Variants in BLNK observed in about 807,000 individuals in gnomAD.
The protein encoded by BLNK is B cell linker, also known as B-cell linker protein.
In BLNK, 29 loss-of-function variants were observed where a neutral mutation model predicts 73.5. The ratio of observed to expected loss-of-function variants is 0.39; its 90% CI spans 0.29 to 0.54. The LOEUF (loss-of-function observed/expected upper bound fraction) is 0.54, where lower values mean the gene tolerates loss of function less well. BLNK is among the 20% of genes least tolerant of loss of function. The pLI, the probability that BLNK is intolerant of heterozygous loss-of-function variation, is 0.61. For missense variants in BLNK, 460 were observed against 562.8 expected, an observed-to-expected ratio of 0.82 and a Z score of 1.85; for synonymous variants, 176 against 200.8, an observed-to-expected ratio of 0.88 and a Z score of 1.04.
intron 1 of BLNK, among the ~76,000 whole-genome samples, chr10:96,257,171 G>A (rs1843555250): frequency 6.6e-6 from 1 of 152,144 alleles, no homozygotes; most frequent in Non-Finnish European, 1.5e-5. Flanking sequence ...GGTGTTGAGA[G>A]GATGTTTACA....
intron 2 of BLNK, among the ~76,000 whole-genome samples, chr10:96,244,000 A>C (rs977687675): frequency 4.6e-5 from 7 of 152,212 alleles, no homozygotes; most frequent in African/African-American, 1.7e-4. Context: ...TTGAAAAAAA[A>C]AGCATAGAAA....
At chr10:96,222,965 T>C (rs1554901494) in intron 6 of BLNK, among the ~76,000 whole-genome samples, 1 of 152,032 alleles carries the variant, frequency 6.6e-6, no homozygotes, top group Non-Finnish European at 1.5e-5. Context: ...AAAATAATAA[T>C]TGGTTACAGC....
chr10:96,246,216 A>G (rs1232226792), intron 2 of BLNK, among the ~76,000 whole-genome samples: 4 of 152,158 alleles, frequency 2.6e-5, no homozygotes, highest in African/African-American at 9.7e-5. Flanking sequence ...GTGCCAATTG[A>G]AAAGTTCATT....
intron 4 of BLNK, among the ~76,000 whole-genome samples, chr10:96,228,266 A>ATT (rs1350579481): frequency 6.7e-6 from 1 of 149,608 alleles, no homozygotes; most frequent in Admixed American, 6.6e-5. Flanking sequence ...TGCCTGGCTA[A>ATT]TTTTTTTTTG....
chr10:96,202,152 G>T (rs1554896382), intron 13 of BLNK, among the ~76,000 whole-genome samples: 1 of 152,142 alleles, frequency 6.6e-6, no homozygotes, highest in Non-Finnish European at 1.5e-5. Context: ...GCAATGAAGG[G>T]ACCAGATTTA....
chr10:96,225,986 G>A (rs1422789613), intron 5 of BLNK, among the ~76,000 whole-genome samples: 1 of 152,112 alleles, frequency 6.6e-6, no homozygotes, highest in South Asian at 2.1e-4. Flanking sequence ...ACCCTGAATT[G>A]CAGTAGCCCT....
chr10:96,204,881 C>A (rs1456090056), intron 11 of BLNK: 3 of 417,392 alleles, frequency 7.2e-6, no homozygotes, highest in South Asian at 2.1e-5. Flanking sequence ...AGAGACTGAA[C>A]CCACGGGCCC....
intron 3 of BLNK, 154 bp downstream of exon 3, chr10:96,242,581 C>T (rs1309682281): frequency 3.4e-5 from 9 of 266,290 alleles, no homozygotes; most frequent in Admixed American, 6.5e-5. Flanking sequence ...CCACTGTAGT[C>T]AAAATGCCTA....
At chr10:96,253,447 G>A (rs1436125535) in intron 1 of BLNK, among the ~76,000 whole-genome samples, 1 of 152,168 alleles carries the variant, frequency 6.6e-6, no homozygotes, top group African/African-American at 2.4e-5. Context: ...GGGATCAAGA[G>A]GCTTGGACCT....
At chr10:96,210,365 C>T (rs1234533597) in intron 8 of BLNK, 3 of 204,572 alleles carry the variant, frequency 1.5e-5, no homozygotes, top group Non-Finnish European at 3.0e-5. Flanking sequence ...AGACCTCAGA[C>T]AGTGCTCCTT....
chr10:96,252,001 A>G (rs1674295477), intron 1 of BLNK, among the ~76,000 whole-genome samples: 1 of 152,086 alleles, frequency 6.6e-6, no homozygotes. Context: ...GGAGATTCTC[A>G]TTGGGTTGTC....
In BLNK at chr10:96,200,955, T is replaced by C. The variant is rs1554895948; in HGVS notation, c.1011+27A>G. 3 of 1,598,654 alleles carry C rather than the reference T, an allele frequency of 1.9e-6. No homozygotes were observed. Among genetic ancestry groups the C allele is most frequent in the Non-Finnish European group, 1.7e-6 (2 of 1,166,016 alleles). On this transcript the variant is annotated intron_variant, in intron 14 of 16. Coordinates refer to ENST00000224337, the MANE Select transcript of BLNK (RefSeq NM_013314.4). This position sits in a 1 kb window ranked among gnomAD's most constrained non-coding sequence, Gnocchi z 4.3. ...TTCCTGCAGTTTCCTGGTAACAATTTAGTGACATCAAGAGTTCATTTCATA... is the reference window on the plus strand; with the variant it reads ...TTCCTGCAGTTTCCTGGTAACAATTCAGTGACATCAAGAGTTCATTTCATA...
intron 8 of BLNK, chr10:96,210,194 G>T: frequency 2.3e-6 from 1 of 438,520 alleles, no homozygotes; most frequent in Non-Finnish European, 4.3e-6. Flanking sequence ...TGCCCCATGG[G>T]GCAAGTCCTG....
chr10:96,232,792 A>C (rs587670129), intron 3 of BLNK, among the ~76,000 whole-genome samples: 10 of 150,314 alleles, frequency 6.7e-5, no homozygotes, highest in African/African-American at 2.0e-4. Flanking sequence ...ACAATGGGGG[A>C]GTATGTTTCT....
intron 16 of BLNK, 122 bp downstream of exon 16, chr10:96,196,786 T>C (rs2083477265): frequency 1.1e-6 from 1 of 945,866 alleles, no homozygotes; most frequent in Non-Finnish European, 1.6e-6. Context: ...ATGACATTTA[T>C]GCAAGCATTA....
At chr10:96,219,791 GC>G (rs1470030592) in intron 6 of BLNK, among the ~76,000 whole-genome samples, 2 of 152,154 alleles carry the variant, frequency 1.3e-5, no homozygotes, top group Admixed American at 6.5e-5. Flanking sequence ...ATAAAAAGCA[GC>G]CCCAAAATCA....
Position 96,242,719 on chromosome 10 carries a change from C to CT in BLNK, c.163+15dup. 6.2e-7 allele frequency: 1 copy of CT among 1,609,902 alleles called. No individual in the cohort carries two copies. Among genetic ancestry groups the CT allele is most frequent in the Middle Eastern group, 1.7e-4 (1 of 6,056 alleles). ...ATTAGTCAAGAGTCAGTTAAAGTAT[C>CT]TGAGAAATACCTTACCTGAAGCGTA... On this transcript the variant is annotated intron_variant, in intron 3 of 16. Transcript: ENST00000224337.
At chr10:96,219,598 A>C (rs1554900682) in intron 6 of BLNK, among the ~76,000 whole-genome samples, 1 of 152,194 alleles carries the variant, frequency 6.6e-6, no homozygotes, top group African/African-American at 2.4e-5. Flanking sequence ...TTCAAAATGT[A>C]TTCTTTCCTC....
At chr10:96,217,795 G>A (rs1423637150) in intron 6 of BLNK, among the ~76,000 whole-genome samples, 12 of 152,076 alleles carry the variant, frequency 7.9e-5, no homozygotes, top group Non-Finnish European at 1.6e-4. Context: ...GGCACAAAAC[G>A]TTTAAATTTT....
Sources: allele counts gnomAD v4.1 joint callset (sites outside exome capture counted in the v4.1 genomes callset), GRCh38; gene constraint gnomAD v4.1.1; non-coding constraint Gnocchi (gnomAD v3.1); transcripts MANE v1.5; gene names NCBI Gene and HGNC (gene_info 2026-07-23, HGNC 2026-07-21).